The following ARHGAP12 variants were observed in gnomAD, a reference collection of about 807,000 sequenced individuals.
The protein encoded by ARHGAP12 is Rho GTPase activating protein 12, also known as rho GTPase-activating protein 12.
A neutral mutation model predicts 108.6 loss-of-function variants in ARHGAP12; 64 were observed. That is an observed-to-expected ratio of 0.59 (90% CI 0.48 to 0.73). The LOEUF is 0.73. Among genes scored for constraint, ARHGAP12 ranks in the 30% least tolerant of loss-of-function variants. The probability of loss-of-function intolerance (pLI) is 0.00; values close to 1 mark genes in which losing one functional copy is unlikely to be tolerated. For synonymous variants in ARHGAP12, 312 were observed against 337.2 expected (o/e 0.93, Z 0.82); for missense variants, 940 against 1,005.9 (o/e 0.93, Z 0.89).
intron 1 of ARHGAP12, among the ~76,000 whole-genome samples, chr10:31,923,292 A>AAAGCC (rs1397464525): frequency 6.6e-6 from 1 of 152,208 alleles, no homozygotes; most frequent in Non-Finnish European, 1.5e-5. Flanking sequence ...CATCTCACAG[A>AAAGCC]ATGGCTAAGT....
chr10:31,926,242 TATTC>T (rs1840034317), intron 1 of ARHGAP12, among the ~76,000 whole-genome samples: 1 of 151,790 alleles, frequency 6.6e-6, no homozygotes, highest in Non-Finnish European at 1.5e-5. Context: ...AACTGCAGAA[TATTC>T]ATTAAGTCCA....
At chr10:31,855,672 TGC>T (rs1836860801) in intron 4 of ARHGAP12, among the ~76,000 whole-genome samples, 1 of 152,116 alleles carries the variant, frequency 6.6e-6, no homozygotes, top group South Asian at 2.1e-4. Flanking sequence ...ACGAGAAGAG[TGC>T]AGTAAAACTT....
chr10:31,831,665 AAAAT>A (rs1835839012), intron 10 of ARHGAP12, 70 bp downstream of exon 10: 2 of 1,024,306 alleles, frequency 2.0e-6, no homozygotes, highest in Middle Eastern at 2.7e-4. Flanking sequence ...TGTTTATACT[AAAAT>A]AATTATATTG....
At chr10:31,902,625 C>T (rs1838974846) in intron 3 of ARHGAP12, among the ~76,000 whole-genome samples, 2 of 151,172 alleles carry the variant, frequency 1.3e-5, no homozygotes, top group South Asian at 4.2e-4. Context: ...GAGCTACAAT[C>T]GTGCCACTGC....
intron 3 of ARHGAP12, among the ~76,000 whole-genome samples, chr10:31,868,942 C>T (rs1296517286): frequency 6.6e-6 from 1 of 152,002 alleles, no homozygotes; most frequent in Admixed American, 6.6e-5. Context: ...TTTAAGTACT[C>T]TATGTGATAT....
At chr10:31,873,409 G>A (rs1837611803) in intron 3 of ARHGAP12, among the ~76,000 whole-genome samples, 1 of 152,130 alleles carries the variant, frequency 6.6e-6, no homozygotes, top group Non-Finnish European at 1.5e-5. Context: ...AATGAATCCA[G>A]CATCAGTTTT....
intron 1 of ARHGAP12, among the ~76,000 whole-genome samples, chr10:31,919,679 T>C (rs1448357651): frequency 4.6e-5 from 7 of 151,670 alleles, no homozygotes; most frequent in African/African-American, 1.7e-4. Context: ...TAGTCCCAGC[T>C]ACTCAGGAGG....
intron 5 of ARHGAP12, 141 bp downstream of exon 5, chr10:31,853,925 T>G (rs1340606925): frequency 2.3e-6 from 2 of 872,180 alleles, no homozygotes; most frequent in Non-Finnish European, 3.3e-6. Flanking sequence ...AGTTTTCGTA[T>G]TGTCAATTGG....
rs1040894034 is a variant in ARHGAP12, at chr10:31,805,616, A to G, written c.*2042T>C. ...GTACATACAATATTACAATAAACTG[A>G]TTAGCTGTAGACTAATAAAACATTT... On this transcript the variant is annotated 3_prime_UTR_variant, in exon 20 of 20. Coordinates refer to ENST00000344936, the MANE Select transcript of ARHGAP12 (RefSeq NM_018287.7). The G allele has an allele frequency of 6.6e-6, 1 of 150,896 alleles. No homozygotes were observed. Among genetic ancestry groups the G allele is most frequent in the Non-Finnish European group, 1.5e-5 (1 of 67,844 alleles). 9.3% of individuals were successfully genotyped at this position (150,896 alleles called of 1,614,324 possible). A position where few individuals can be genotyped will look rare whatever the true frequency, so the allele number is the denominator to read the frequency against.
rs566057849 is a variant in ARHGAP12, at chr10:31,852,320, A to G, written c.1170+197T>C. 7.9e-5 allele frequency among the ~76,000 whole-genome samples: 12 copies of G among 152,360 alleles called. No individual in the cohort carries two copies. In the South Asian group the frequency reaches 2.5e-3, roughly 32 times the overall value. On this transcript the variant is annotated intron_variant, in intron 6 of 19. Transcript: ENST00000344936. ...CCCAAAAGATATTCTGAATAGCAAC[A>G]ATCAGTATCACATAGTGAAGACACC...
chr10:31,808,602 C>A, intron 19 of ARHGAP12, 47 bp downstream of exon 19: 2 of 1,561,858 alleles, frequency 1.3e-6, no homozygotes, highest in Non-Finnish European at 1.8e-6. Flanking sequence ...GGCCTTCCCG[C>A]TTCCCCTTGT....
chr10:31,825,355 T>C (rs1835565038), intron 11 of ARHGAP12, among the ~76,000 whole-genome samples: 1 of 152,168 alleles, frequency 6.6e-6, no homozygotes, highest in Non-Finnish European at 1.5e-5. Context: ...AACTCATTAA[T>C]TGTAATAAAA....
At chr10:31,828,890 G>A (rs1278007795) in intron 10 of ARHGAP12, among the ~76,000 whole-genome samples, 2 of 152,242 alleles carry the variant, frequency 1.3e-5, no homozygotes, top group South Asian at 2.1e-4. Flanking sequence ...GGTAGCTCAC[G>A]CCTGCAATCC....
chr10:31,832,104 C>A (rs1370354555), intron 9 of ARHGAP12, among the ~76,000 whole-genome samples: 1 of 152,022 alleles, frequency 6.6e-6, no homozygotes, highest in Non-Finnish European at 1.5e-5. Flanking sequence ...TAATTTATGT[C>A]TTTCTATTCA....
intron 9 of ARHGAP12, among the ~76,000 whole-genome samples, chr10:31,837,256 G>C (rs1836059377): frequency 6.6e-6 from 1 of 152,192 alleles, no homozygotes; most frequent in South Asian, 2.1e-4. Context: ...GACAGATTAA[G>C]AGTACTGTAG....
intron 1 of ARHGAP12, among the ~76,000 whole-genome samples, chr10:31,919,162 C>T (rs1839684753): frequency 6.6e-6 from 1 of 152,062 alleles, no homozygotes; most frequent in African/African-American, 2.4e-5. Flanking sequence ...ATATAAGGTA[C>T]CTAGAGTAGT....
intron 9 of ARHGAP12, among the ~76,000 whole-genome samples, chr10:31,832,807 A>G (rs1428755164): frequency 6.6e-6 from 1 of 152,114 alleles, no homozygotes; most frequent in Non-Finnish European, 1.5e-5. Flanking sequence ...TTTTTTACCA[A>G]TGTCTGAAAG....
intron 1 of ARHGAP12, among the ~76,000 whole-genome samples, chr10:31,927,748 T>C (rs932916662): frequency 5.9e-5 from 9 of 152,126 alleles, no homozygotes; most frequent in African/African-American, 1.9e-4. Context: ...AAGGAAAACA[T>C]CACACGCCTC....
chr10:31,914,014 T>C (rs543297803), intron 1 of ARHGAP12, among the ~76,000 whole-genome samples: 57 of 152,292 alleles, frequency 3.7e-4, no homozygotes, highest in African/African-American at 1.3e-3. Context: ...ATGGAGATGG[T>C]AGTTTCTTCA....
Sources: allele counts gnomAD v4.1 joint callset (sites outside exome capture counted in the v4.1 genomes callset), GRCh38; gene constraint gnomAD v4.1.1; transcripts MANE v1.5; gene names NCBI Gene and HGNC (gene_info 2026-07-23, HGNC 2026-07-21).